Variants in DLEU7 observed in about 807,000 individuals in gnomAD.
The protein encoded by DLEU7 is leukemia-associated protein 7.
In DLEU7, 17 loss-of-function variants were observed where a neutral mutation model predicts 16.0. That is an observed-to-expected ratio of 1.06 (90% CI 0.73 to 1.59). The LOEUF (loss-of-function observed/expected upper bound fraction) is 1.59, where lower values mean the gene tolerates loss of function less well. DLEU7 is among the 40% of genes most tolerant of loss of function. The probability of loss-of-function intolerance (pLI) is 0.00; values close to 1 mark genes in which losing one functional copy is unlikely to be tolerated. For synonymous variants in DLEU7, 113 were observed against 139.8 expected, an observed-to-expected ratio of 0.81 and a Z score of 1.35; for missense variants, 308 against 314.9, an observed-to-expected ratio of 0.98 and a Z score of 0.17.
chr13:50,843,352 C>T lies in DLEU7; in HGVS notation c.295G>A (p.Glu99Lys). Residue 99 changes from glutamate (E) to lysine (K), a missense_variant, in exon 1 of 2, where the codon GAG (glutamate) becomes AAG (lysine). Coordinates refer to ENST00000504404, the MANE Select transcript of DLEU7 (RefSeq NM_001306135.2). The surrounding 1 kb of genome is among the most constrained non-coding windows in gnomAD (Gnocchi z 5.7). ...CGGTCCCGGGGGAAGGGCAGCAACTCGGCGCCCCCCTCAGCGCCTCGCACT... is the reference window on the plus strand; with the variant it reads ...CGGTCCCGGGGGAAGGGCAGCAACTTGGCGCCCCCCTCAGCGCCTCGCACT... ...EVVRGAEGGA[E>K]LLPFPRDRGP... 6.9e-7 allele frequency: 1 copy of T among 1,447,400 alleles called. No homozygotes were observed. The highest frequency in any genetic ancestry group is 9.1e-7 in the Non-Finnish European group (1 of 1,101,728). 89.7% of individuals were successfully genotyped at this position (1,447,400 alleles called of 1,614,324 possible). A position where few individuals can be genotyped will look rare whatever the true frequency, so the allele number is the denominator to read the frequency against.
chr13:50,741,551 A>G (rs1874249452), intron 1 of DLEU7, among the ~76,000 whole-genome samples: 1 of 152,204 alleles, frequency 6.6e-6, no homozygotes, highest in Admixed American at 6.5e-5. Context: ...CAGTACCTCT[A>G]TCTACATCAA....
At chr13:50,749,524 T>C (rs552168930) in intron 1 of DLEU7, among the ~76,000 whole-genome samples, 6 of 152,322 alleles carry the variant, frequency 3.9e-5, no homozygotes, top group South Asian at 4.1e-4. Flanking sequence ...CTGTTTTCCA[T>C]AGTGGCTGTA....
intron 1 of DLEU7, 107 bp from the exon 2 acceptor site, chr13:50,823,627 C>A (rs1168939531): frequency 1.5e-6 from 2 of 1,336,106 alleles, no homozygotes; most frequent in Non-Finnish European, 2.0e-6. Context: ...TGACAGCACT[C>A]TGGTTTTTTT....
chr13:50,777,897 T>C (rs955649546), intron 1 of DLEU7, among the ~76,000 whole-genome samples: 4 of 152,146 alleles, frequency 2.6e-5, no homozygotes, highest in Non-Finnish European at 5.9e-5. Flanking sequence ...TTATATTTCA[T>C]TAGGAGGGGC....
intron 1 of DLEU7, among the ~76,000 whole-genome samples, chr13:50,777,354 T>C (rs1256431096): frequency 6.6e-6 from 1 of 152,176 alleles, no homozygotes; most frequent in African/African-American, 2.4e-5. Context: ...GCTGCCAGCA[T>C]GGCCCGGATA....
intron 1 of DLEU7, among the ~76,000 whole-genome samples, chr13:50,716,773 A>G (rs1338066412): frequency 6.6e-6 from 1 of 152,244 alleles, no homozygotes; most frequent in African/African-American, 2.4e-5. Flanking sequence ...GAACATTTAT[A>G]TATATTCTGT....
chr13:50,782,774 G>GA (rs57072824), intron 1 of DLEU7, among the ~76,000 whole-genome samples: 20,812 of 129,944 alleles, frequency 0.16, 1,866 homozygotes, highest in East Asian at 0.42. Context: ...ACTGTCTACA[G>GA]AAAAAAAAAA....
chr13:50,761,785 A>G (rs528308450), intron 1 of DLEU7, among the ~76,000 whole-genome samples: 179 of 152,310 alleles, frequency 1.2e-3, no homozygotes, highest in African/African-American at 4.0e-3. Flanking sequence ...TCTAAATCAA[A>G]AAGTATTCAA....
chr13:50,825,803 T>A (rs1406499433), intron 1 of DLEU7, among the ~76,000 whole-genome samples: 5 of 152,232 alleles, frequency 3.3e-5, no homozygotes, highest in Non-Finnish European at 5.9e-5. Context: ...GTGCAATCAT[T>A]CTTGCAGATA....
At chr13:50,713,968 A>G (rs1446376906) in intron 1 of DLEU7, among the ~76,000 whole-genome samples, 1 of 152,184 alleles carries the variant, frequency 6.6e-6, no homozygotes, top group Non-Finnish European at 1.5e-5. Context: ...ACCCTCATGA[A>G]GACTGTCGGC....
In DLEU7 at chr13:50,727,032, G is replaced by A. The variant is rs79113643; in HGVS notation, c.460-13792C>T. Among the ~76,000 whole-genome samples, 52 of 152,272 alleles carry A rather than the reference G, an allele frequency of 3.4e-4. 1 individual carries two copies. The East Asian group carries it at 8.9e-3, about 26-fold the overall frequency. On this transcript the variant is annotated intron_variant, in intron 1 of 1. Transcript: ENST00000400393. Reference sequence around the variant, plus strand: ...TGCACATACCATATATCTGCTAGAGGTGCCCAGCAATGTGAGACAAAACTC... The same window carrying A: ...TGCACATACCATATATCTGCTAGAGATGCCCAGCAATGTGAGACAAAACTC...
intron 1 of DLEU7, among the ~76,000 whole-genome samples, chr13:50,739,054 A>C (rs1004067759): frequency 1.3e-5 from 2 of 151,326 alleles, no homozygotes; most frequent in African/African-American, 4.9e-5. Flanking sequence ...TGTTCTTCTT[A>C]TCATGTTCTT....
At chr13:50,821,011 AG>A (rs1056861403), downstream of DLEU7, among the ~76,000 whole-genome samples, 14 of 152,130 alleles carry the variant, frequency 9.2e-5, no homozygotes, top group African/African-American at 3.1e-4. Flanking sequence ...AGTGCTCAGT[AG>A]CCACGTGCGG....
intron 1 of DLEU7, among the ~76,000 whole-genome samples, chr13:50,832,791 C>G (rs1332964550): frequency 6.6e-6 from 1 of 152,136 alleles, no homozygotes; most frequent in Non-Finnish European, 1.5e-5. Flanking sequence ...TTGTGCGGTT[C>G]TGAGTGAGTT....
intron 1 of DLEU7, among the ~76,000 whole-genome samples, chr13:50,761,408 G>A (rs1387023571): frequency 7.1e-6 from 1 of 141,644 alleles, no homozygotes; most frequent in Non-Finnish European, 1.5e-5. Context: ...GGAACAGTTA[G>A]GGGCTAATGT....
intron 1 of DLEU7, among the ~76,000 whole-genome samples, chr13:50,752,728 T>C (rs1230176238): frequency 4.6e-5 from 7 of 152,120 alleles, no homozygotes; most frequent in Admixed American, 3.3e-4. Context: ...GGAGTGAAGC[T>C]GCAGACCTTC....
At chr13:50,837,489 C>T (rs1260025730) in intron 1 of DLEU7, among the ~76,000 whole-genome samples, 1 of 152,144 alleles carries the variant, frequency 6.6e-6, no homozygotes, top group Admixed American at 6.5e-5. Context: ...GAGCAGTCAC[C>T]GTATCCGTGG....
intron 1 of DLEU7, among the ~76,000 whole-genome samples, chr13:50,728,102 C>T (rs978078913): frequency 1.3e-5 from 2 of 152,154 alleles, no homozygotes; most frequent in African/African-American, 4.8e-5. Context: ...GGCAGGGTCA[C>T]CTTCTTGGCC....
intron 1 of DLEU7, among the ~76,000 whole-genome samples, chr13:50,811,412 C>A (rs1876562742): frequency 1.3e-5 from 2 of 152,060 alleles, no homozygotes; most frequent in African/African-American, 4.8e-5. Context: ...TTACTGAGAG[C>A]TTTCTCCTCT....
Sources: gnomAD v4.1 joint callset for allele counts (sites outside exome capture counted in the v4.1 genomes callset) on GRCh38, gnomAD v4.1.1 for gene constraint, Gnocchi (gnomAD v3.1) non-coding constraint, MANE v1.5 for transcripts, NCBI Gene and HGNC (gene_info 2026-07-23, HGNC 2026-07-21) for gene names.